Variants in THSD7B observed in about 807,000 individuals in gnomAD.
The protein encoded by THSD7B is thrombospondin type-1 domain-containing protein 7B.
THSD7B carries 138 observed loss-of-function variants against 213.6 expected under a neutral mutation model. The observed-to-expected ratio is 0.65, with a 90% CI of 0.56 to 0.74. The LOEUF (loss-of-function observed/expected upper bound fraction) is 0.74. Among genes scored for constraint, THSD7B ranks in the 30% least tolerant of loss-of-function variants. THSD7B has a pLI of 0.00. For missense variants in THSD7B, 1,931 were observed against 1,991.5 expected (o/e 0.97, Z 0.58); for synonymous variants, 742 against 687.0 (o/e 1.08, Z -1.25).
At chr2:136,882,570 ACTT>A (rs1439741527) in intron 2 of THSD7B, among the ~76,000 whole-genome samples, 3 of 152,172 alleles carry the variant, frequency 2.0e-5, no homozygotes, top group Admixed American at 6.6e-5. Flanking sequence ...AGTTACATCT[ACTT>A]CTCCTTTGTC....
chr2:136,868,544 A>G (rs556743601), intron 1 of THSD7B, among the ~76,000 whole-genome samples: 3 of 152,356 alleles, frequency 2.0e-5, no homozygotes, highest in African/African-American at 2.4e-5. Flanking sequence ...ATGCAAAGCT[A>G]TATTTACAGT....
chr2:136,779,005 G>A (rs959655958), intron 1 of THSD7B, among the ~76,000 whole-genome samples: 14 of 152,126 alleles, frequency 9.2e-5, no homozygotes, highest in African/African-American at 3.4e-4. Flanking sequence ...AATCCAACAA[G>A]TCAAGCAAAA....
intron 1 of THSD7B, among the ~76,000 whole-genome samples, chr2:136,858,802 G>T (rs1298154418): frequency 1.3e-5 from 2 of 152,164 alleles, no homozygotes; most frequent in Admixed American, 1.3e-4. Context: ...AACTTAAGCA[G>T]ACGTCCCATA....
At chr2:136,889,152 A>G (rs1181286233) in intron 2 of THSD7B, among the ~76,000 whole-genome samples, 3 of 152,162 alleles carry the variant, frequency 2.0e-5, no homozygotes, top group Non-Finnish European at 4.4e-5. Flanking sequence ...TTCCAGTACC[A>G]TTTCTGATCA....
At chr2:137,613,764 AATC>A in intron 17 of THSD7B, among the ~76,000 whole-genome samples, 1 of 152,278 alleles carries the variant, frequency 6.6e-6, no homozygotes, top group East Asian at 1.9e-4. Flanking sequence ...CTAATAAAGA[AATC>A]ATCCAGATAG....
chr2:137,217,830 T>A (rs185636053), intron 7 of THSD7B, among the ~76,000 whole-genome samples: 1 of 152,122 alleles, frequency 6.6e-6, no homozygotes, highest in African/African-American at 2.4e-5. Context: ...TACATCATTT[T>A]CTTTGGCCAA....
intron 2 of THSD7B, among the ~76,000 whole-genome samples, chr2:136,985,543 G>A (rs1051308884): frequency 6.6e-6 from 1 of 152,224 alleles, no homozygotes; most frequent in Non-Finnish European, 1.5e-5. Context: ...GGGCTTGGCA[G>A]CTTCCCCCTA....
intron 21 of THSD7B, among the ~76,000 whole-genome samples, chr2:137,645,024 A>G (rs1189754364): frequency 6.6e-6 from 1 of 152,082 alleles, no homozygotes; most frequent in African/African-American, 2.4e-5. Context: ...AGGAGCTCAG[A>G]TTCTGGAGTC....
chr2:137,507,066 A>G (rs1558820725), intron 15 of THSD7B, among the ~76,000 whole-genome samples: 1 of 152,210 alleles, frequency 6.6e-6, no homozygotes, highest in Non-Finnish European at 1.5e-5. Flanking sequence ...CACAGTACAT[A>G]ATCGTATCCT....
intron 3 of THSD7B, among the ~76,000 whole-genome samples, chr2:137,083,883 C>T (rs912780525): frequency 6.6e-6 from 1 of 151,984 alleles, no homozygotes; most frequent in Non-Finnish European, 1.5e-5. Flanking sequence ...TTTCGAATGG[C>T]CCACTGTATG....
At chr2:137,534,647 A>G (rs1375711292) in intron 15 of THSD7B, among the ~76,000 whole-genome samples, 1 of 151,768 alleles carries the variant, frequency 6.6e-6, no homozygotes, top group Non-Finnish European at 1.5e-5. Context: ...AATATATACT[A>G]TCAATATAAG....
intron 1 of THSD7B, among the ~76,000 whole-genome samples, chr2:136,807,362 T>C (rs886708111): frequency 2.6e-5 from 4 of 152,212 alleles, no homozygotes; most frequent in African/African-American, 9.6e-5. Flanking sequence ...TGGGTTATTA[T>C]CCAATAGTAT....
intron 7 of THSD7B, among the ~76,000 whole-genome samples, chr2:137,206,242 TCC>T (rs951382919): frequency 1.4e-4 from 21 of 151,994 alleles, no homozygotes; most frequent in African/African-American, 5.1e-4. Context: ...AGTCCTTAAA[TCC>T]TGAGGAGCAA....
intron 15 of THSD7B, among the ~76,000 whole-genome samples, chr2:137,514,015 G>A (rs1468056517): frequency 1.3e-5 from 2 of 152,076 alleles, no homozygotes; most frequent in African/African-American, 2.4e-5. Context: ...GACCCTGTCT[G>A]TATTGATCTA....
At chr2:137,503,033 C>T (rs1039518312) in intron 15 of THSD7B, among the ~76,000 whole-genome samples, 1 of 152,106 alleles carries the variant, frequency 6.6e-6, no homozygotes, top group South Asian at 2.1e-4. Flanking sequence ...AAAGAAACAG[C>T]AGGGAAAGAT....
In THSD7B at chr2:137,344,250, A is replaced by G. The variant is rs77528828; in HGVS notation, c.2501-61363A>G. On this transcript the variant is annotated intron_variant, in intron 12 of 27. Transcript: ENST00000409968. ...CACAAAACTGGTCTCTAGTGCCAAA[A>G]AAGTTGGGGACCACTGGTCTAAGAC... Among the ~76,000 whole-genome samples, 1,437 of 151,840 alleles carry G rather than the reference A, an allele frequency of 9.5e-3. 31 individuals carry two copies. The highest frequency in any genetic ancestry group is 0.033 in the African/African-American group (1,354 of 41,492).
At chr2:137,458,090 G>T (rs937022540) in intron 15 of THSD7B, among the ~76,000 whole-genome samples, 1 of 152,078 alleles carries the variant, frequency 6.6e-6, no homozygotes, top group Non-Finnish European at 1.5e-5. Context: ...GACTGTAAGT[G>T]GATGCCTAAT....
chr2:137,378,468 C>G (rs918487014), intron 12 of THSD7B, among the ~76,000 whole-genome samples: 14 of 152,126 alleles, frequency 9.2e-5, no homozygotes, highest in African/African-American at 3.4e-4. Flanking sequence ...CCTTAACAAG[C>G]AAGCTACTTT....
chr2:137,173,516 C>T (rs1237929804), intron 7 of THSD7B, among the ~76,000 whole-genome samples: 1 of 152,164 alleles, frequency 6.6e-6, no homozygotes, highest in Non-Finnish European at 1.5e-5. Flanking sequence ...CTTGCTTATT[C>T]CTGTGAAATG....
Sources: allele counts gnomAD v4.1 joint callset (sites outside exome capture counted in the v4.1 genomes callset), GRCh38; gene constraint gnomAD v4.1.1; transcripts MANE v1.5; gene names NCBI Gene and HGNC (gene_info 2026-07-23, HGNC 2026-07-21).